The following NSD3 variants were observed in gnomAD, a reference collection of about 807,000 sequenced individuals.
NSD3 encodes histone-lysine N-methyltransferase NSD3.
NSD3 carries 24 observed loss-of-function variants against 160.8 expected under a neutral mutation model. The observed-to-expected ratio is 0.15, with a 90% CI of 0.11 to 0.21. The LOEUF (loss-of-function observed/expected upper bound fraction) is 0.21. Among genes scored for constraint, NSD3 ranks in the 10% least tolerant of loss-of-function variants. The pLI, the probability that NSD3 is intolerant of heterozygous loss-of-function variation, is 1.00. For missense variants in NSD3, 1,157 were observed against 1,735.9 expected, an observed-to-expected ratio of 0.67 and a Z score of 5.93; for synonymous variants, 520 against 600.0, an observed-to-expected ratio of 0.87 and a Z score of 1.95.
At chr8:38,370,487 A>G (rs144452161) in intron 1 of NSD3, among the ~76,000 whole-genome samples, 1,890 of 152,050 alleles carry the variant, frequency 0.012, 33 homozygotes, top group African/African-American at 0.043. Flanking sequence ...AATCAGCTTA[A>G]GCTTAATATG....
In NSD3 at chr8:38,288,657, C is replaced by G. The variant is rs1381505643; in HGVS notation, c.3331G>C (p.Glu1111Gln). The change falls in exon 19 of 24, where the codon GAA becomes CAA. Residue 1111 changes from glutamate (E) to glutamine (Q), a missense_variant. By Grantham distance (29) the Glu-to-Gln change is conservative (BLOSUM62 2). Around this residue, in one of 10 missense-constraint regions of NSD3, gnomAD observed 222 missense variants for 409.9 expected, o/e 0.54. Coordinates refer to ENST00000317025, the MANE Select transcript of NSD3 (RefSeq NM_023034.2). This position sits in a 1 kb window ranked among gnomAD's most constrained non-coding sequence, Gnocchi z 4.5. ...KPADENPCGLESECLNRMLQY... is the reference protein window; with the variant it reads ...KPADENPCGLQSECLNRMLQY... The stretch of plus-strand genomic sequence containing the variant: ...AACATTCTGTTCAGGCACTCCGATT[C>G]CAAGCCACAAGGGTTTTCATCAGCT... 2 of 1,614,222 alleles carry G rather than the reference C, an allele frequency of 1.2e-6. No homozygotes were observed. The highest frequency in any genetic ancestry group is 1.7e-6 in the Non-Finnish European group (2 of 1,180,036).
chr8:38,314,244 T>C (rs1019670383), intron 12 of NSD3, among the ~76,000 whole-genome samples: 3 of 152,298 alleles, frequency 2.0e-5, no homozygotes, highest in Admixed American at 1.3e-4. Context: ...TAAAAAATGA[T>C]TTCCAGTAGC....
intron 1 of NSD3, among the ~76,000 whole-genome samples, chr8:38,374,584 CTG>C (rs918892108): frequency 1.3e-5 from 2 of 152,048 alleles, no homozygotes; most frequent in African/African-American, 2.4e-5. Context: ...GAGCCAGACC[CTG>C]TCTCACAAAA....
chr8:38,338,669 A>C (rs1810284147), intron 2 of NSD3, 62 bp from the exon 3 acceptor site: 1 of 1,225,522 alleles, frequency 8.2e-7, no homozygotes, highest in Admixed American at 1.8e-5. Flanking sequence ...CAAACAAAAA[A>C]CAGTGACATA....
At position 38,372,495 on chromosome 8, in the gene NSD3, C is replaced by CTT. The variant is rs565709775; in HGVS notation, c.-45+9302_-45+9303dup. On this transcript the variant is annotated intron_variant, in intron 1 of 23. Transcript: ENST00000317025. ...CGCATGCTTATGAATTCTTCAGGTT[C>CTT]TTTTTTTTTTTTTTTTTGAGACACA... 4.4e-3 allele frequency among the ~76,000 whole-genome samples: 587 copies of CTT among 132,724 alleles called. 6 individuals are homozygous for CTT. The highest frequency in any genetic ancestry group is 0.015 in the African/African-American group (542 of 36,412). The allele number at this position is 132,724 out of a possible 152,430, so 87.1% of individuals were successfully genotyped here.
At position 38,290,647 on chromosome 8, in the gene NSD3, C is replaced by T. The variant is rs769728648; in HGVS notation, c.2946G>A (p.Arg982=). 1.9e-6 allele frequency: 3 copies of T among 1,613,874 alleles called. No homozygotes were observed. Among genetic ancestry groups the T allele is most frequent in the Non-Finnish European group, 2.5e-6 (3 of 1,179,864 alleles). Residue 982 remains arginine (R), a synonymous_variant, in exon 17 of 24, where the codon AGG becomes AGA. Transcript: ENST00000317025. ...GGCCCTGGATGTTCAGTGGCACAGACCTGGGGTTGCAGATCTCTGCTGGCC... is the reference window on the plus strand; with the variant it reads ...GGCCCTGGATGTTCAGTGGCACAGATCTGGGGTTGCAGATCTCTGCTGGCC... ...RWWPAEICNP[R]SVPLNIQGLK... is the part of the protein sequence containing the mutation.
At position 38,304,693 on chromosome 8, in the gene NSD3, G is replaced by A. The variant is rs896020120; in HGVS notation, c.2505C>T (p.Ala835=). The change falls in exon 14 of 24, where the codon GCC becomes GCT. Residue 835 remains alanine, a synonymous_variant. Transcript: ENST00000317025. ...AYHSGDACIA[A]GSMLVSSYIL... ...TGTAGGAGGATACTAACATGCTTCC[G>A]GCCGCAATGCAAGCATCTCCAGAGT... 8.1e-6 allele frequency: 13 copies of A among 1,613,796 alleles called. No individual in the cohort carries two copies. Among genetic ancestry groups the A allele is most frequent in the Middle Eastern group, 1.6e-4 (1 of 6,082 alleles).
At chr8:38,323,569 A>G (rs1809840662) in intron 7 of NSD3, among the ~76,000 whole-genome samples, 1 of 152,086 alleles carries the variant, frequency 6.6e-6, no homozygotes. Flanking sequence ...TGTAATCCCA[A>G]CACTTCAAGA....
intron 2 of NSD3, among the ~76,000 whole-genome samples, chr8:38,346,533 T>A (rs1810540441): frequency 6.6e-6 from 1 of 151,716 alleles, no homozygotes; most frequent in African/African-American, 2.4e-5. Flanking sequence ...CTTAGATCAT[T>A]GCCTAGCACA....
chr8:38,333,899 C>T (rs1056498499), intron 4 of NSD3, among the ~76,000 whole-genome samples: 3 of 152,140 alleles, frequency 2.0e-5, no homozygotes, highest in Non-Finnish European at 4.4e-5. Context: ...AAAATACTGA[C>T]TAATAACAAT....
In NSD3 at chr8:38,337,643, C is replaced by T. The variant is rs901596791; in HGVS notation, c.748-176G>A. The T allele has an allele frequency of 7.1e-5, 29 of 407,782 alleles. No homozygotes were observed. The South Asian group carries it at 1.8e-3, about 25-fold the overall frequency. The allele number at this position is 407,782 out of a possible 1,614,324, so 25.3% of individuals were successfully genotyped here. The stretch of plus-strand genomic sequence containing the variant: ...CTAGGTATAAAGTACATTAAAAATG[C>T]TAACAATGTAATTTTATCTTCAATT... On this transcript the variant is annotated intron_variant, in intron 3 of 23. Coordinates refer to ENST00000317025, the MANE Select transcript of NSD3 (RefSeq NM_023034.2).
intron 1 of NSD3, among the ~76,000 whole-genome samples, chr8:38,370,412 G>A (rs1307093335): frequency 3.4e-5 from 5 of 145,626 alleles, no homozygotes; most frequent in East Asian, 4.0e-4. Flanking sequence ...ACAGAGTCTC[G>A]CTCTGTCGCC....
At chr8:38,351,999 T>C (rs2150386192) in intron 1 of NSD3, among the ~76,000 whole-genome samples, 1 of 151,434 alleles carries the variant, frequency 6.6e-6, no homozygotes, top group East Asian at 1.9e-4. Flanking sequence ...TGTGCACATG[T>C]ACCCTAAAAC....
In NSD3 at chr8:38,288,777, C is replaced by T. The variant is rs188602999; in HGVS notation, c.3232-21G>A. The T allele has an allele frequency of 3.3e-3, 5,365 of 1,606,382 alleles. 13 individuals carry two copies. Among genetic ancestry groups the T allele is most frequent in the Non-Finnish European group, 4.2e-3 (4,977 of 1,174,124 alleles). On this transcript the variant is annotated intron_variant, in intron 18 of 23. Transcript: ENST00000317025. The surrounding 1 kb of genome is among the most constrained non-coding windows in gnomAD (Gnocchi z 4.5). ...TTAGCCTAGAAAACAAAATCGCAAGCGAGAGAGAGGCAGCAGGTAAGTCAT... is the reference window on the plus strand; with the variant it reads ...TTAGCCTAGAAAACAAAATCGCAAGTGAGAGAGAGGCAGCAGGTAAGTCAT...
intron 1 of NSD3, among the ~76,000 whole-genome samples, chr8:38,349,289 A>G (rs868065802): frequency 3.3e-5 from 5 of 152,168 alleles, no homozygotes; most frequent in Admixed American, 3.3e-4. Context: ...ATTGTTTGAT[A>G]TAATAAATAC....
intron 12 of NSD3, among the ~76,000 whole-genome samples, chr8:38,305,917 A>G (rs1809381883): frequency 6.6e-6 from 1 of 152,198 alleles, no homozygotes; most frequent in Admixed American, 6.5e-5. Flanking sequence ...AGGATAAAGA[A>G]AATATTCAAA....
chr8:38,315,269 G>A (rs1809630205), intron 11 of NSD3, 147 bp downstream of exon 11: 4 of 953,752 alleles, frequency 4.2e-6, no homozygotes, highest in Non-Finnish European at 5.7e-6. Flanking sequence ...GGGAAAAAAA[G>A]AACCACAAAG....
intron 2 of NSD3, among the ~76,000 whole-genome samples, chr8:38,343,878 C>G (rs975110699): frequency 6.6e-5 from 10 of 152,116 alleles, no homozygotes; most frequent in African/African-American, 2.4e-4. Context: ...ATATGGCAAA[C>G]TAAGGGTTAA....
intron 1 of NSD3, among the ~76,000 whole-genome samples, chr8:38,358,266 G>A (rs1382486971): frequency 6.6e-6 from 1 of 152,052 alleles, no homozygotes; most frequent in Admixed American, 6.6e-5. Flanking sequence ...AGATGTACAT[G>A]AGAATTTTTA....
Sources: allele counts gnomAD v4.1 joint callset (sites outside exome capture counted in the v4.1 genomes callset), GRCh38; gene constraint gnomAD v4.1.1; regional missense constraint gnomAD v4.1.1; non-coding constraint Gnocchi (gnomAD v3.1); transcripts MANE v1.5; gene names NCBI Gene and HGNC (gene_info 2026-07-23, HGNC 2026-07-21).